Variants in NRXN1 observed in about 807,000 individuals in gnomAD.
NRXN1 encodes neurexin 1.
Under a neutral mutation model 150.9 loss-of-function variants are expected in NRXN1, and 39 were observed. That is an observed-to-expected ratio of 0.26 (90% confidence interval 0.20 to 0.34). The LOEUF is 0.34. Among genes scored for constraint, NRXN1 ranks in the 10% least tolerant of loss-of-function variants. The pLI, the probability that NRXN1 is intolerant of heterozygous loss-of-function variation, is 1.00. For synonymous variants in NRXN1, 924 were observed against 757.0 expected (o/e 1.22, Z -3.62); for missense variants, 1,815 against 1,949.9 (o/e 0.93, Z 1.30).
intron 9 of NRXN1, among the ~76,000 whole-genome samples, chr2:50,544,400 A>G (rs1363751784): frequency 6.6e-6 from 1 of 152,106 alleles, no homozygotes; most frequent in Non-Finnish European, 1.5e-5. Flanking sequence ...TTTTAAAACC[A>G]ATGTTATCTA....
At chr2:50,807,549 C>T (rs989591622) in intron 5 of NRXN1, among the ~76,000 whole-genome samples, 1 of 152,042 alleles carries the variant, frequency 6.6e-6, no homozygotes. Flanking sequence ...AAGATGGCGG[C>T]CCATGAGGCA....
chr2:49,930,529 ATC>A (rs1669950961), intron 22 of NRXN1, among the ~76,000 whole-genome samples: 1 of 152,238 alleles, frequency 6.6e-6, no homozygotes. Context: ...ATCCAATAAC[ATC>A]TATTAAATTT....
At chr2:50,171,324 TAATG>T (rs2060018872) in intron 18 of NRXN1, among the ~76,000 whole-genome samples, 1 of 152,094 alleles carries the variant, frequency 6.6e-6, no homozygotes, top group Non-Finnish European at 1.5e-5. Flanking sequence ...TCAAGAAAAT[TAATG>T]AATCTTACTA....
chr2:50,757,779 T>G (rs1574370662), intron 5 of NRXN1, among the ~76,000 whole-genome samples: 1 of 150,902 alleles, frequency 6.6e-6, no homozygotes, highest in Non-Finnish European at 1.5e-5. Context: ...AGAGAGGAGG[T>G]AACATTTGTC....
chr2:50,962,534 GT>G (rs1693372713), intron 2 of NRXN1, among the ~76,000 whole-genome samples: 1 of 151,360 alleles, frequency 6.6e-6, no homozygotes, highest in Non-Finnish European at 1.5e-5. Context: ...TTGTTTGTTT[GT>G]TTGTTTGTTT....
intron 5 of NRXN1, among the ~76,000 whole-genome samples, chr2:50,768,413 A>G (rs1174616376): frequency 2.6e-5 from 4 of 151,902 alleles, no homozygotes; most frequent in Non-Finnish European, 4.4e-5. Context: ...AGCTCTAGCC[A>G]TCTTTAAACC....
At chr2:50,171,594 C>T (rs2060035283) in intron 18 of NRXN1, among the ~76,000 whole-genome samples, 1 of 151,972 alleles carries the variant, frequency 6.6e-6, no homozygotes, top group Admixed American at 6.6e-5. Flanking sequence ...AGTCATTTGC[C>T]AAGCTCAGGC....
intron 17 of NRXN1, among the ~76,000 whole-genome samples, chr2:50,376,974 A>T (rs866148045): frequency 6.6e-6 from 1 of 150,472 alleles, no homozygotes; most frequent in Non-Finnish European, 1.5e-5. Flanking sequence ...TTTTTTTTTT[A>T]AATGAGTAAG....
intron 2 of NRXN1, among the ~76,000 whole-genome samples, chr2:50,980,926 C>T (rs565557416): frequency 1.3e-5 from 2 of 152,162 alleles, no homozygotes; most frequent in South Asian, 4.1e-4. Flanking sequence ...TGCCCTAACA[C>T]TTTAACACTT....
chr2:50,559,407 C>T (rs1668720651), intron 8 of NRXN1, among the ~76,000 whole-genome samples: 1 of 152,156 alleles, frequency 6.6e-6, no homozygotes, highest in Non-Finnish European at 1.5e-5. Flanking sequence ...ACTTCCAATT[C>T]AATCAGACAC....
At chr2:50,711,132 C>T (rs1003125077) in intron 5 of NRXN1, among the ~76,000 whole-genome samples, 4 of 152,080 alleles carry the variant, frequency 2.6e-5, no homozygotes, top group African/African-American at 9.7e-5. Context: ...AACAACCCTG[C>T]GTAGCAAACA....
intron 5 of NRXN1, among the ~76,000 whole-genome samples, chr2:50,868,258 T>C (rs1431257553): frequency 6.9e-6 from 1 of 144,664 alleles, no homozygotes; most frequent in Non-Finnish European, 1.5e-5. Context: ...AGGAACATGG[T>C]TGGAACTGGA....
At chr2:50,178,877 T>C (rs1227493476) in intron 18 of NRXN1, among the ~76,000 whole-genome samples, 1 of 152,158 alleles carries the variant, frequency 6.6e-6, no homozygotes, top group Non-Finnish European at 1.5e-5. Flanking sequence ...AATCAGGCAG[T>C]AGTCTGGGGA....
chr2:50,878,471 G>A (rs144402712), intron 5 of NRXN1, among the ~76,000 whole-genome samples: 22 of 151,920 alleles, frequency 1.4e-4, no homozygotes, highest in African/African-American at 2.9e-4. Context: ...ATCTGAAGTC[G>A]CCTCCAGTTT....
At chr2:50,352,528 C>G (rs1438348688) in intron 17 of NRXN1, among the ~76,000 whole-genome samples, 2 of 151,968 alleles carry the variant, frequency 1.3e-5, no homozygotes, top group East Asian at 3.9e-4. Context: ...GAGTGTCGGT[C>G]TTGCATTTTG....
chr2:51,031,714 C>T (rs1430843224), intron 1 of NRXN1, among the ~76,000 whole-genome samples: 1 of 152,074 alleles, frequency 6.6e-6, no homozygotes, highest in East Asian at 1.9e-4. Context: ...GCTTTGATAT[C>T]TAGCCTGTCT....
chr2:50,226,615 A>G (rs1183525055), intron 18 of NRXN1, among the ~76,000 whole-genome samples: 1 of 151,970 alleles, frequency 6.6e-6, no homozygotes, highest in Non-Finnish European at 1.5e-5. Context: ...AGGCTGGAAA[A>G]TAAGTCTAGA....
intron 5 of NRXN1, among the ~76,000 whole-genome samples, chr2:50,739,806 G>A (rs533034083): frequency 6.6e-6 from 1 of 152,044 alleles, no homozygotes; most frequent in Non-Finnish European, 1.5e-5. Context: ...GTCTTTTGGG[G>A]CTTAAAAACT....
At chr2:50,798,212 T>G (rs2105666000) in intron 5 of NRXN1, among the ~76,000 whole-genome samples, 1 of 152,284 alleles carries the variant, frequency 6.6e-6, no homozygotes, top group South Asian at 2.1e-4. Context: ...AAGCATTGGT[T>G]AATATAGTTG....
Sources: gnomAD v4.1 joint callset for allele counts (sites outside exome capture counted in the v4.1 genomes callset) on GRCh38, gnomAD v4.1.1 for gene constraint, MANE v1.5 for transcripts, NCBI Gene and HGNC (gene_info 2026-07-23, HGNC 2026-07-21) for gene names.